ERBB4: variants seen among roughly 807,000 people sequenced by gnomAD.
ERBB4 encodes the protein receptor tyrosine-protein kinase erbB-4.
In ERBB4, 42 loss-of-function variants were observed where a neutral mutation model predicts 158.0. The ratio of observed to expected loss-of-function variants is 0.27; its 90% CI spans 0.21 to 0.34. ERBB4 has a LOEUF of 0.34. Ranked by LOEUF, ERBB4 falls within the 10% of genes least tolerant of loss-of-function variation. The pLI, the probability that ERBB4 is intolerant of heterozygous loss-of-function variation, is 1.00. For missense variants in ERBB4, 1,333 were observed against 1,624.1 expected, an observed-to-expected ratio of 0.82 and a Z score of 3.08; for synonymous variants, 583 against 558.7, an observed-to-expected ratio of 1.04 and a Z score of -0.61.
At chr2:212,066,445 T>C (rs988732030) in intron 2 of ERBB4, among the ~76,000 whole-genome samples, 1 of 152,038 alleles carries the variant, frequency 6.6e-6, no homozygotes, top group Non-Finnish European at 1.5e-5. Context: ...ATTGGGCTAA[T>C]TAGGCTTATC....
At chr2:212,366,437 A>T (rs2089893563) in intron 1 of ERBB4, among the ~76,000 whole-genome samples, 1 of 151,982 alleles carries the variant, frequency 6.6e-6, no homozygotes, top group Non-Finnish European at 1.5e-5. Context: ...CCATGTTACA[A>T]ATTACACCTT....
chr2:211,712,029 G>C, intron 9 of ERBB4, 21 bp downstream of exon 9: 3 of 1,601,028 alleles, frequency 1.9e-6, no homozygotes, highest in Non-Finnish European at 2.6e-6. Context: ...AAAATAACTT[G>C]CACAAAAATT....
intron 19 of ERBB4, among the ~76,000 whole-genome samples, chr2:211,579,619 TAA>T (rs1324403225): frequency 1.3e-5 from 2 of 152,132 alleles, no homozygotes; most frequent in Non-Finnish European, 2.9e-5. Context: ...TATGCAGCCA[TAA>T]AAAGGAATGA....
intron 20 of ERBB4, among the ~76,000 whole-genome samples, chr2:211,536,640 G>A (rs767325936): frequency 6.6e-6 from 1 of 152,008 alleles, no homozygotes; most frequent in African/African-American, 2.4e-5. Flanking sequence ...ATGGAGGGAG[G>A]TTCTTGAAAT....
At chr2:211,872,206 G>A (rs1461268851) in intron 3 of ERBB4, among the ~76,000 whole-genome samples, 1 of 152,134 alleles carries the variant, frequency 6.6e-6, no homozygotes, top group Non-Finnish European at 1.5e-5. Context: ...CTGCTGTAGA[G>A]GGTTAGTATT....
intron 2 of ERBB4, among the ~76,000 whole-genome samples, chr2:212,022,928 G>A (rs1214970227): frequency 6.6e-6 from 1 of 152,142 alleles, no homozygotes; most frequent in African/African-American, 2.4e-5. Flanking sequence ...ACTTTATGTG[G>A]AAGTAAGGAG....
rs775628390 is a variant in ERBB4, at chr2:212,310,641, GTGTATA to G, written c.83-185744_83-185739del. 3.2e-3 allele frequency among the ~76,000 whole-genome samples: 380 copies of G among 117,800 alleles called. 2 individuals carry two copies. Among genetic ancestry groups the G allele is most frequent in the African/African-American group, 0.011 (370 of 35,110 alleles). 77.3% of individuals were successfully genotyped at this position (117,800 alleles called of 152,430 possible). ...TGTGTGTGTGTGTGTGTGTGTGTGTGTGTATATATATATATTCCAGAAGTTTATAGT... is the reference window on the plus strand; with the variant it reads ...TGTGTGTGTGTGTGTGTGTGTGTGTGTATATATATTCCAGAAGTTTATAGT... On this transcript the variant is annotated intron_variant, in intron 1 of 27. Coordinates refer to ENST00000342788, the MANE Select transcript of ERBB4 (RefSeq NM_005235.3).
At chr2:211,909,620 G>T (rs554682865) in intron 3 of ERBB4, among the ~76,000 whole-genome samples, 7 of 151,682 alleles carry the variant, frequency 4.6e-5, no homozygotes, top group Non-Finnish European at 1.0e-4. Flanking sequence ...GTTACAAGTG[G>T]TACACCTGTA....
At chr2:212,235,200 C>A (rs2083818476) in intron 1 of ERBB4, among the ~76,000 whole-genome samples, 2 of 152,150 alleles carry the variant, frequency 1.3e-5, no homozygotes, top group Admixed American at 1.3e-4. Flanking sequence ...ATATGACTAG[C>A]CAATTTCCCC....
intron 2 of ERBB4, among the ~76,000 whole-genome samples, chr2:211,986,724 AG>A (rs2081946219): frequency 1.3e-5 from 2 of 152,190 alleles, no homozygotes; most frequent in Admixed American, 6.5e-5. Context: ...GGATTCAATT[AG>A]GTAACACTTG....
chr2:211,592,590 T>G (rs190394063), intron 19 of ERBB4, among the ~76,000 whole-genome samples: 47 of 152,126 alleles, frequency 3.1e-4, no homozygotes, highest in African/African-American at 1.1e-3. Flanking sequence ...GATTTCAAGG[T>G]TCCAAAACAT....
At chr2:211,884,705 C>T (rs985085987) in intron 3 of ERBB4, among the ~76,000 whole-genome samples, 2 of 152,166 alleles carry the variant, frequency 1.3e-5, no homozygotes, top group Non-Finnish European at 1.5e-5. Context: ...AGGTAACAAC[C>T]CCCATCTGTC....
chr2:212,185,021 C>CTTTTTTTTTTTCTTT (rs1553584050), intron 1 of ERBB4, among the ~76,000 whole-genome samples: 16 of 132,540 alleles, frequency 1.2e-4, no homozygotes, highest in African/African-American at 3.7e-4. Context: ...ACTTTTTTTT[C>CTTTTTTTTTTTCTTT]TTTTTTTTTT....
intron 1 of ERBB4, among the ~76,000 whole-genome samples, chr2:212,202,364 T>A (rs2082612718): frequency 6.6e-6 from 1 of 152,120 alleles, no homozygotes; most frequent in Non-Finnish European, 1.5e-5. Flanking sequence ...TATTTTTATT[T>A]TTTTGAGATA....
intron 19 of ERBB4, among the ~76,000 whole-genome samples, chr2:211,573,320 C>T (rs2067789529): frequency 6.6e-6 from 1 of 152,088 alleles, no homozygotes; most frequent in Non-Finnish European, 1.5e-5. Flanking sequence ...ATGTCTAGCC[C>T]CCAGAACTGT....
intron 1 of ERBB4, among the ~76,000 whole-genome samples, chr2:212,250,141 T>C (rs2084477390): frequency 6.6e-6 from 1 of 152,048 alleles, no homozygotes. Flanking sequence ...ACTTTAGATG[T>C]TTCCTCCTTT....
In ERBB4 at chr2:212,322,006, A is replaced by G. The variant is rs548894208; in HGVS notation, c.83-197103T>C. Among the ~76,000 whole-genome samples, 13 of 150,634 alleles carry G rather than the reference A, an allele frequency of 8.6e-5. No individual in the cohort carries two copies. In the East Asian group the frequency reaches 2.5e-3, roughly 29 times the overall value. ...GAGAATAATACGATTTTGTTGGTAC[A>G]ATGCAAGTTTATAGATTTCACAGAG... On this transcript the variant is annotated intron_variant, in intron 1 of 27. Transcript: ENST00000342788.
At chr2:212,395,211 A>C (rs1251311244) in intron 1 of ERBB4, among the ~76,000 whole-genome samples, 15 of 152,094 alleles carry the variant, frequency 9.9e-5, no homozygotes, top group Admixed American at 9.8e-4. Flanking sequence ...CTAAAAAGTC[A>C]AGGTAGAATC....
At chr2:211,977,002 T>G (rs1055346080) in intron 2 of ERBB4, among the ~76,000 whole-genome samples, 26 of 152,210 alleles carry the variant, frequency 1.7e-4, no homozygotes, top group Non-Finnish European at 3.4e-4. Context: ...ATGACATCTT[T>G]ATGTAAATAT....
Sources: gnomAD v4.1 joint callset for allele counts (sites outside exome capture counted in the v4.1 genomes callset) on GRCh38, gnomAD v4.1.1 for gene constraint, MANE v1.5 for transcripts, NCBI Gene and HGNC (gene_info 2026-07-23, HGNC 2026-07-21) for gene names.